Variants in RAP1GDS1 observed in about 807,000 individuals in gnomAD.
RAP1GDS1 encodes the protein Rap1 GTPase-GDP dissociation stimulator 1.
RAP1GDS1 carries 35 observed loss-of-function variants against 71.1 expected under a neutral mutation model. The observed-to-expected ratio is 0.49, with a 90% CI of 0.38 to 0.65. RAP1GDS1 has a LOEUF of 0.65. Ranked by LOEUF, RAP1GDS1 falls within the 30% of genes least tolerant of loss-of-function variation. The probability of loss-of-function intolerance (pLI) is 0.00; values close to 1 mark genes in which losing one functional copy is unlikely to be tolerated. For synonymous variants in RAP1GDS1, 229 were observed against 243.1 expected (o/e 0.94, Z 0.54); for missense variants, 663 against 706.1 (o/e 0.94, Z 0.69).
At chr4:98,335,014 A>G (rs535440712) in intron 2 of RAP1GDS1, among the ~76,000 whole-genome samples, 2 of 152,076 alleles carry the variant, frequency 1.3e-5, no homozygotes, top group Non-Finnish European at 2.9e-5. Flanking sequence ...GAGTTTGAAT[A>G]ATGACTGTTT....
At chr4:98,299,434 T>C (rs1017154764) in intron 2 of RAP1GDS1, among the ~76,000 whole-genome samples, 21 of 152,108 alleles carry the variant, frequency 1.4e-4, no homozygotes, top group Non-Finnish European at 1.5e-4. Flanking sequence ...AACAAGTTAA[T>C]TCCCTCTATT....
intron 7 of RAP1GDS1, among the ~76,000 whole-genome samples, chr4:98,412,303 A>G (rs561749906): frequency 6.6e-6 from 1 of 152,288 alleles, no homozygotes; most frequent in African/African-American, 2.4e-5. Flanking sequence ...GCTTGAGGCC[A>G]TGAGTTCAAG....
At chr4:98,397,224 T>C (rs1314602735) in intron 6 of RAP1GDS1, among the ~76,000 whole-genome samples, 2 of 152,156 alleles carry the variant, frequency 1.3e-5, no homozygotes, top group Non-Finnish European at 2.9e-5. Flanking sequence ...GTTTACATAA[T>C]TTTTCATACT....
chr4:98,274,638 T>A (rs1249006744), intron 1 of RAP1GDS1, among the ~76,000 whole-genome samples: 1 of 152,186 alleles, frequency 6.6e-6, no homozygotes, highest in Non-Finnish European at 1.5e-5. Flanking sequence ...TATACTGAAT[T>A]GGTGCTTTCT....
chr4:98,275,018 CTG>C (rs3974887), intron 1 of RAP1GDS1, among the ~76,000 whole-genome samples: 15,743 of 144,054 alleles, frequency 0.11, 1,040 homozygotes, highest in African/African-American at 0.19. Context: ...TTGTTTGCAG[CTG>C]TGTGTGTGTG....
At chr4:98,341,063 T>C (rs1232738698) in intron 2 of RAP1GDS1, among the ~76,000 whole-genome samples, 2 of 152,124 alleles carry the variant, frequency 1.3e-5, no homozygotes, top group Non-Finnish European at 2.9e-5. Flanking sequence ...TGTAGTTATT[T>C]ATTGGACAGT....
chr4:98,314,069 T>C (rs1730627102), intron 2 of RAP1GDS1, among the ~76,000 whole-genome samples: 2 of 152,126 alleles, frequency 1.3e-5, no homozygotes, highest in Admixed American at 1.3e-4. Flanking sequence ...CACCTTTTCA[T>C]TGTACTAAAG....
intron 7 of RAP1GDS1, among the ~76,000 whole-genome samples, chr4:98,411,863 C>T (rs1176573649): frequency 6.6e-6 from 1 of 152,096 alleles, no homozygotes; most frequent in African/African-American, 2.4e-5. Flanking sequence ...AAGGCTTTTT[C>T]ATCATAGTTT....
chr4:98,366,909 T>C (rs1297397911), intron 4 of RAP1GDS1, among the ~76,000 whole-genome samples: 1 of 152,210 alleles, frequency 6.6e-6, no homozygotes, highest in Non-Finnish European at 1.5e-5. Context: ...TTTGGAAATA[T>C]GCAGCCTGAC....
Position 98,356,649 on chromosome 4 carries a change from T to C in RAP1GDS1, c.361+4048T>C, listed in dbSNP as rs73834449. Among the ~76,000 whole-genome samples, 579 of 152,196 alleles carry C rather than the reference T, an allele frequency of 3.8e-3. 6 individuals are homozygous for C. Among genetic ancestry groups the C allele is most frequent in the African/African-American group, 0.013 (555 of 41,570 alleles). On this transcript the variant is annotated intron_variant, in intron 4 of 14. Coordinates refer to ENST00000408927, the MANE Select transcript of RAP1GDS1 (RefSeq NM_001100427.2). ...AAAATGTTTTAAAATTAAACAAATA[T>C]ACCTCTTTATAGAAATAAAATGTAT...
intron 2 of RAP1GDS1, among the ~76,000 whole-genome samples, chr4:98,329,563 G>T (rs772781294): frequency 6.6e-6 from 1 of 152,084 alleles, no homozygotes; most frequent in Admixed American, 6.5e-5. Context: ...GCCAAGGCAG[G>T]CAGATCACGA....
chr4:98,262,697 A>G (rs1284379277), intron 1 of RAP1GDS1, among the ~76,000 whole-genome samples: 1 of 152,186 alleles, frequency 6.6e-6, no homozygotes, highest in Non-Finnish European at 1.5e-5. Context: ...AGTTATTTAA[A>G]GCTTGAGATG....
At chr4:98,374,243 T>C (rs1740828651) in intron 4 of RAP1GDS1, among the ~76,000 whole-genome samples, 1 of 152,194 alleles carries the variant, frequency 6.6e-6, no homozygotes, top group Non-Finnish European at 1.5e-5. Flanking sequence ...GTAATTTCTA[T>C]TGATCTATGA....
At chr4:98,338,199 G>T (rs577465478) in intron 2 of RAP1GDS1, among the ~76,000 whole-genome samples, 7 of 152,250 alleles carry the variant, frequency 4.6e-5, no homozygotes, top group African/African-American at 1.7e-4. Context: ...TTTACTAAAA[G>T]AGAAAATTTT....
intron 2 of RAP1GDS1, among the ~76,000 whole-genome samples, chr4:98,307,065 AATTT>A (rs1232322979): frequency 3.3e-5 from 5 of 152,044 alleles, no homozygotes; most frequent in Admixed American, 6.6e-5. Flanking sequence ...TATTATAATT[AATTT>A]ATTTGTACTG....
At chr4:98,343,021 A>G in intron 2 of RAP1GDS1, 118 bp from the exon 3 acceptor site, 1 of 1,093,086 alleles carries the variant, frequency 9.1e-7, no homozygotes, top group Non-Finnish European at 1.3e-6. Context: ...TTGAATGTAT[A>G]CCGAAACTAA....
chr4:98,419,629 T>G (rs1748519698), intron 10 of RAP1GDS1, among the ~76,000 whole-genome samples: 1 of 152,224 alleles, frequency 6.6e-6, no homozygotes, highest in African/African-American at 2.4e-5. Flanking sequence ...TTGGTTTACA[T>G]AGGATAGTAA....
chr4:98,437,224 A>G (rs1751258372), intron 14 of RAP1GDS1, among the ~76,000 whole-genome samples, 156 bp downstream of exon 14: 1 of 152,170 alleles, frequency 6.6e-6, no homozygotes. Context: ...TACTGTAAAC[A>G]CTCATTTCTT....
chr4:98,294,139 A>G (rs1727378064), intron 2 of RAP1GDS1, among the ~76,000 whole-genome samples: 1 of 151,984 alleles, frequency 6.6e-6, no homozygotes, highest in African/African-American at 2.4e-5. Flanking sequence ...ATTTCTAGTC[A>G]CTAATTTCTG....
Sources: gnomAD v4.1 joint callset for allele counts (sites outside exome capture counted in the v4.1 genomes callset) on GRCh38, gnomAD v4.1.1 for gene constraint, MANE v1.5 for transcripts, NCBI Gene and HGNC (gene_info 2026-07-23, HGNC 2026-07-21) for gene names.